WDR70: variants seen among roughly 807,000 people sequenced by gnomAD.
The protein encoded by WDR70 is WD repeat domain 70, also known as WD repeat-containing protein 70.
A neutral mutation model predicts 88.6 loss-of-function variants in WDR70; 53 were observed. The observed-to-expected ratio is 0.60, with a 90% CI of 0.48 to 0.75. The LOEUF (loss-of-function observed/expected upper bound fraction) is 0.75. WDR70 is among the 30% of genes least tolerant of loss of function. WDR70 has a pLI of 0.00. For missense variants in WDR70, 610 were observed against 823.2 expected (o/e 0.74, Z 3.17); for synonymous variants, 280 against 270.0 (o/e 1.04, Z -0.36).
chr5:37,682,489 T>C (rs1043711654), intron 10 of WDR70, among the ~76,000 whole-genome samples: 1 of 147,766 alleles, frequency 6.8e-6, no homozygotes, highest in Non-Finnish European at 1.5e-5. Context: ...TTGCTTTTGC[T>C]TCTCTAGTTC....
intron 8 of WDR70, among the ~76,000 whole-genome samples, chr5:37,514,304 G>T (rs1389866912): frequency 9.7e-6 from 1 of 103,500 alleles, no homozygotes; most frequent in East Asian, 2.8e-4. Context: ...ATAGTTGTGA[G>T]CCACTGTGCC....
At chr5:37,738,806 T>C (rs570177236) in intron 17 of WDR70, among the ~76,000 whole-genome samples, 10 of 152,302 alleles carry the variant, frequency 6.6e-5, no homozygotes, top group Admixed American at 2.6e-4. Flanking sequence ...CAAGGGGAAA[T>C]TTAATCAGCA....
At chr5:37,451,733 C>T (rs78270625) in intron 7 of WDR70, among the ~76,000 whole-genome samples, 25,152 of 152,176 alleles carry the variant, frequency 0.17, 2,212 homozygotes, top group South Asian at 0.27. Context: ...TGGTGGCTCA[C>T]GGCTGTAATC....
At chr5:37,448,963 G>T (rs1738580159) in intron 7 of WDR70, among the ~76,000 whole-genome samples, 2 of 152,230 alleles carry the variant, frequency 1.3e-5, no homozygotes, top group South Asian at 4.1e-4. Flanking sequence ...TATCACAGAG[G>T]TGAAGTGGCT....
chr5:37,580,231 C>G (rs1354151552), intron 9 of WDR70, among the ~76,000 whole-genome samples: 2 of 152,116 alleles, frequency 1.3e-5, no homozygotes, highest in Non-Finnish European at 2.9e-5. Context: ...ATTTGGAAGC[C>G]GTATTGCCAA....
chr5:37,716,210 A>G (rs1049106047), intron 13 of WDR70, among the ~76,000 whole-genome samples: 6 of 152,216 alleles, frequency 3.9e-5, no homozygotes, highest in Non-Finnish European at 7.3e-5. Flanking sequence ...GTTTCAACAT[A>G]ATCATGTTTA....
At chr5:37,630,356 CA>C (rs1380200999) in intron 10 of WDR70, among the ~76,000 whole-genome samples, 2 of 152,150 alleles carry the variant, frequency 1.3e-5, no homozygotes, top group African/African-American at 2.4e-5. Flanking sequence ...ATGTTTCCAC[CA>C]GGGGTGGCCT....
intron 10 of WDR70, among the ~76,000 whole-genome samples, chr5:37,670,203 A>G (rs1049894283): frequency 6.9e-6 from 1 of 145,380 alleles, no homozygotes; most frequent in African/African-American, 2.5e-5. Flanking sequence ...AAAATCTTAT[A>G]TCAAAAGAAA....
At chr5:37,439,557 A>G (rs994227832) in intron 6 of WDR70, among the ~76,000 whole-genome samples, 1 of 152,040 alleles carries the variant, frequency 6.6e-6, no homozygotes, top group Non-Finnish European at 1.5e-5. Flanking sequence ...CATAACTTAA[A>G]AAATACTCCA....
chr5:37,480,107 T>G (rs1483859753), intron 8 of WDR70, 120 bp downstream of exon 8: 1 of 1,242,978 alleles, frequency 8.0e-7, no homozygotes, highest in African/African-American at 1.5e-5. Flanking sequence ...AGCAATTTAT[T>G]TGTTCTCACA....
intron 10 of WDR70, among the ~76,000 whole-genome samples, chr5:37,620,263 G>GT: frequency 1.0e-5 from 1 of 100,108 alleles, no homozygotes; most frequent in Non-Finnish European, 2.2e-5. Flanking sequence ...TGAGTAATCT[G>GT]TTTTTTGTTT....
At chr5:37,591,036 TTGA>T (rs1743516333) in intron 9 of WDR70, among the ~76,000 whole-genome samples, 1 of 152,112 alleles carries the variant, frequency 6.6e-6, no homozygotes, top group Non-Finnish European at 1.5e-5. Context: ...CCTAGCTGTA[TTGA>T]TGATTAAAAA....
rs1402744014 is a variant in WDR70, at chr5:37,538,390, C to T, written c.917+21800C>T. Among the ~76,000 whole-genome samples, 10 of 152,290 alleles carry T rather than the reference C, an allele frequency of 6.6e-5. No individual in the cohort carries two copies. The South Asian group carries it at 1.9e-3, about 28-fold the overall frequency. On this transcript the variant is annotated intron_variant, in intron 9 of 17. Transcript: ENST00000265107. ...TTAATACACACGATGAATGTTTTCA[C>T]GGTTATAGCTGTTGCTAGTATTGTA...
chr5:37,420,160 C>G (rs960285450), intron 5 of WDR70, among the ~76,000 whole-genome samples: 14 of 151,978 alleles, frequency 9.2e-5, no homozygotes, highest in South Asian at 2.1e-4. Context: ...GCTGGGAGTT[C>G]AAGACCAGCC....
intron 9 of WDR70, among the ~76,000 whole-genome samples, chr5:37,586,475 A>G (rs1664892290): frequency 6.6e-6 from 1 of 152,088 alleles, no homozygotes; most frequent in Non-Finnish European, 1.5e-5. Context: ...TTTGTTAAAT[A>G]GGTATATACG....
chr5:37,655,421 G>A (rs2112567314), intron 10 of WDR70, among the ~76,000 whole-genome samples: 1 of 152,188 alleles, frequency 6.6e-6, no homozygotes, highest in East Asian at 1.9e-4. Flanking sequence ...TATGTGTGTT[G>A]GGGTTGCTCT....
chr5:37,653,151 G>A (rs541487703), intron 10 of WDR70, among the ~76,000 whole-genome samples: 1 of 152,130 alleles, frequency 6.6e-6, no homozygotes, highest in African/African-American at 2.4e-5. Context: ...TAGCATGAAA[G>A]GGTGTTGAAT....
At chr5:37,443,770 C>T (rs35326352) in intron 7 of WDR70, among the ~76,000 whole-genome samples, 131,370 of 151,906 alleles carry the variant, frequency 0.86, 59,941 homozygotes, top group East Asian at 1. Flanking sequence ...GAGAATTGCT[C>T]TAGCCTGAGG....
chr5:37,643,140 A>T (rs1050049057), intron 10 of WDR70, among the ~76,000 whole-genome samples: 3 of 151,984 alleles, frequency 2.0e-5, no homozygotes, highest in African/African-American at 7.2e-5. Context: ...TTAAGTCTTT[A>T]ATTTTTTATT....
Sources: gnomAD v4.1 joint callset for allele counts (sites outside exome capture counted in the v4.1 genomes callset) on GRCh38, gnomAD v4.1.1 for gene constraint, MANE v1.5 for transcripts, NCBI Gene and HGNC (gene_info 2026-07-23, HGNC 2026-07-21) for gene names.